Variants in INPP4B observed in about 807,000 individuals in gnomAD.
INPP4B encodes the protein inositol polyphosphate 4-phosphatase type II.
A neutral mutation model predicts 122.5 loss-of-function variants in INPP4B; 55 were observed. The observed-to-expected ratio is 0.45, with a 90% CI of 0.36 to 0.56. The LOEUF (loss-of-function observed/expected upper bound fraction) is 0.56. INPP4B is among the 20% of genes least tolerant of loss of function. INPP4B has a pLI of 0.00. For synonymous variants in INPP4B, 403 were observed against 388.7 expected (o/e 1.04, Z -0.43); for missense variants, 1,000 against 1,097.7 (o/e 0.91, Z 1.26).
chr4:142,812,712 C>T (rs1304879580), intron 1 of INPP4B, among the ~76,000 whole-genome samples: 2 of 151,904 alleles, frequency 1.3e-5, no homozygotes, highest in Non-Finnish European at 2.9e-5. Context: ...AAAAAAAAGA[C>T]ATTAGAACAC....
chr4:142,720,799 C>CTATATATA (rs1330449318), intron 2 of INPP4B, among the ~76,000 whole-genome samples: 14 of 26,322 alleles, frequency 5.3e-4, no homozygotes, highest in South Asian at 1.7e-3. Flanking sequence ...CTCTCTCTCT[C>CTATATATA]TCTCTCTCTC....
At chr4:142,217,505 A>G (rs772250210) in intron 12 of INPP4B, among the ~76,000 whole-genome samples, 2 of 152,218 alleles carry the variant, frequency 1.3e-5, no homozygotes, top group African/African-American at 2.4e-5. Context: ...CCAAGTTTCA[A>G]TGGAGAAATG....
intron 25 of INPP4B, chr4:142,030,325 G>C (rs2152266866): frequency 2.0e-6 from 3 of 1,529,538 alleles, no homozygotes; most frequent in African/African-American, 1.4e-5. Flanking sequence ...GGGAAGTTGG[G>C]GGGGAAAAGA....
Position 142,175,126 on chromosome 4 carries a change from C to T in INPP4B, c.1182-1317G>A, listed in dbSNP as rs181061737. Among the ~76,000 whole-genome samples, 7 of 152,160 alleles carry T rather than the reference C, an allele frequency of 4.6e-5. No individual in the cohort carries two copies. The East Asian group carries it at 1.4e-3, about 30-fold the overall frequency. The stretch of plus-strand genomic sequence containing the variant: ...AGATTCATGTAAACTTGCTTACATC[C>T]CATTATACCCAAATGTCAAGACATT... On this transcript the variant is annotated intron_variant, in intron 15 of 25. Transcript: ENST00000262992.
At chr4:142,625,492 C>T (rs1313658710) in intron 2 of INPP4B, among the ~76,000 whole-genome samples, 2 of 152,046 alleles carry the variant, frequency 1.3e-5, no homozygotes, top group East Asian at 1.9e-4. Flanking sequence ...AGGACACAAA[C>T]AAATAGAAGA....
At chr4:142,312,213 A>G (rs1374316155) in intron 8 of INPP4B, among the ~76,000 whole-genome samples, 1 of 152,166 alleles carries the variant, frequency 6.6e-6, no homozygotes, top group Non-Finnish European at 1.5e-5. Flanking sequence ...AAGCAATCTC[A>G]TTAACACGCC....
chr4:142,824,800 TG>T (rs1223735951), intron 1 of INPP4B, among the ~76,000 whole-genome samples: 2 of 140,862 alleles, frequency 1.4e-5, no homozygotes, highest in Admixed American at 1.4e-4. Flanking sequence ...GATCCTTTTT[TG>T]TTAAAAAAAA....
At chr4:142,769,091 A>G (rs998340596) in intron 1 of INPP4B, among the ~76,000 whole-genome samples, 1 of 152,324 alleles carries the variant, frequency 6.6e-6, no homozygotes, top group East Asian at 1.9e-4. Context: ...ATATACATGG[A>G]AATTAAAGAA....
At chr4:142,124,410 A>C (rs907804240) in intron 19 of INPP4B, among the ~76,000 whole-genome samples, 178 bp downstream of exon 19, 1 of 152,192 alleles carries the variant, frequency 6.6e-6, no homozygotes, top group Admixed American at 6.5e-5. Context: ...AAGGTCTCAT[A>C]AACTCTTTGC....
intron 7 of INPP4B, among the ~76,000 whole-genome samples, chr4:142,315,800 G>A (rs1462486122): frequency 2.0e-5 from 3 of 151,610 alleles, no homozygotes; most frequent in Non-Finnish European, 4.4e-5. Flanking sequence ...AGAGAAAGGG[G>A]ATTGGAGGGG....
intron 2 of INPP4B, among the ~76,000 whole-genome samples, chr4:142,542,510 A>C (rs1169826545): frequency 6.6e-6 from 1 of 152,236 alleles, no homozygotes; most frequent in Non-Finnish European, 1.5e-5. Context: ...AATTTCTGCT[A>C]ATCTTTAAAT....
At chr4:142,639,838 C>CTTA (rs1749990721) in intron 2 of INPP4B, among the ~76,000 whole-genome samples, 1 of 152,146 alleles carries the variant, frequency 6.6e-6, no homozygotes, top group East Asian at 1.9e-4. Flanking sequence ...CGGATCATTG[C>CTTA]TGGTCAGTTT....
At chr4:142,161,555 G>T (rs1820095533) in intron 16 of INPP4B, among the ~76,000 whole-genome samples, 1 of 151,880 alleles carries the variant, frequency 6.6e-6, no homozygotes, top group Admixed American at 6.6e-5. Flanking sequence ...TCTTGATAAT[G>T]CTGGCTTCAC....
intron 15 of INPP4B, among the ~76,000 whole-genome samples, chr4:142,182,665 T>C (rs1465976649): frequency 6.6e-6 from 1 of 152,088 alleles, no homozygotes; most frequent in Admixed American, 6.6e-5. Flanking sequence ...ACTGACCTTA[T>C]TAATTAAGCA....
chr4:142,356,800 G>A (rs1783761053), intron 7 of INPP4B, among the ~76,000 whole-genome samples: 1 of 151,742 alleles, frequency 6.6e-6, no homozygotes, highest in Non-Finnish European at 1.5e-5. Flanking sequence ...GCTGGATGGC[G>A]GCTGGTCACC....
intron 2 of INPP4B, among the ~76,000 whole-genome samples, chr4:142,605,165 C>T (rs796157544): frequency 4.6e-5 from 7 of 151,910 alleles, no homozygotes; most frequent in African/African-American, 1.7e-4. Context: ...TGTGACCTGA[C>T]CTATTATCAA....
At chr4:142,091,093 AG>A (rs1366852858) in intron 23 of INPP4B, among the ~76,000 whole-genome samples, 1 of 152,206 alleles carries the variant, frequency 6.6e-6, no homozygotes, top group Non-Finnish European at 1.5e-5. Flanking sequence ...GGGAGGATTA[AG>A]GGTGGTAACC....
At chr4:142,661,292 T>A (rs2150585301) in intron 2 of INPP4B, among the ~76,000 whole-genome samples, 1 of 152,344 alleles carries the variant, frequency 6.6e-6, no homozygotes, top group African/African-American at 2.4e-5. Flanking sequence ...GGTTTACATT[T>A]ATCAATAAGA....
At chr4:142,056,899 T>C (rs757266384) in intron 25 of INPP4B, among the ~76,000 whole-genome samples, 1 of 152,084 alleles carries the variant, frequency 6.6e-6, no homozygotes, top group Non-Finnish European at 1.5e-5. Flanking sequence ...GACACCAACT[T>C]TTGAGCTGCA....
Sources: allele counts gnomAD v4.1 joint callset (sites outside exome capture counted in the v4.1 genomes callset), GRCh38; gene constraint gnomAD v4.1.1; transcripts MANE v1.5; gene names NCBI Gene and HGNC (gene_info 2026-07-23, HGNC 2026-07-21).